Variants in RAPGEF6 observed in about 807,000 individuals in gnomAD.
RAPGEF6 encodes Rap guanine nucleotide exchange factor 6, also known as PDZ domain containing guanine nucleotide exchange factor (GEF) 2.
In RAPGEF6, 56 loss-of-function variants were observed where a neutral mutation model predicts 171.4. The ratio of observed to expected loss-of-function variants is 0.33; its 90% CI spans 0.26 to 0.41. RAPGEF6 has a LOEUF of 0.41. Among genes scored for constraint, RAPGEF6 ranks in the 10% least tolerant of loss-of-function variants. The probability of loss-of-function intolerance (pLI) is 1.00; values close to 1 mark genes in which losing one functional copy is unlikely to be tolerated. For synonymous variants in RAPGEF6, 692 were observed against 650.1 expected, an observed-to-expected ratio of 1.06 and a Z score of -0.98; for missense variants, 1,674 against 1,921.4, an observed-to-expected ratio of 0.87 and a Z score of 2.41.
chr5:131,455,859 C>T lies in RAPGEF6; in HGVS notation c.3018G>A (p.Gln1006=). 6.2e-7 allele frequency: 1 copy of T among 1,613,870 alleles called. No individual in the cohort carries two copies. The highest frequency in any genetic ancestry group is 8.5e-7 in the Non-Finnish European group (1 of 1,179,814). The change falls in exon 20 of 28, where the codon CAG becomes CAA. Residue 1006 remains glutamine, a synonymous_variant. Transcript: ENST00000509018. The part of the protein sequence containing the change: ...YRNILSSQSM[Q]PPIIPLFPVV... ...CAGGGAAGAGTGGAATAATTGGAGG[C>T]TGCATACTTTGACTACTAAGAATAT...
At chr5:131,573,409 C>T (rs1762424081) in intron 4 of RAPGEF6, among the ~76,000 whole-genome samples, 1 of 152,068 alleles carries the variant, frequency 6.6e-6, no homozygotes, top group South Asian at 2.1e-4. Context: ...CTCCACTAAA[C>T]ATATACAGGA....
chr5:131,471,619 A>C (rs536793997), intron 17 of RAPGEF6, among the ~76,000 whole-genome samples: 1 of 152,252 alleles, frequency 6.6e-6, no homozygotes, highest in Non-Finnish European at 1.5e-5. Context: ...TTTTATTGAA[A>C]ACCATCTCAA....
intron 5 of RAPGEF6, among the ~76,000 whole-genome samples, chr5:131,550,684 A>G (rs1189804533): frequency 1.3e-5 from 2 of 152,234 alleles, no homozygotes; most frequent in Non-Finnish European, 2.9e-5. Context: ...CATCTCTTCC[A>G]TAATTACCAA....
At position 131,429,005 on chromosome 5, in the gene RAPGEF6, C is replaced by A; in HGVS notation, c.4677G>T (p.Val1559=). Residue 1559 remains valine (V), a synonymous_variant, in exon 27 of 28, where the codon GTG becomes GTT. Transcript: ENST00000509018. ...LPPASLSSNL[V]ACVPSKIVTQ... ...TTACAATCTTCGATGGAACACAGGC[C>A]ACGAGGTTGCTACTGAGAGAAGCTG... 1 of 1,614,140 alleles carries A rather than the reference C, an allele frequency of 6.2e-7. No individual in the cohort carries two copies. The highest frequency in any genetic ancestry group is 1.1e-5 in the South Asian group (1 of 91,080).
intron 6 of RAPGEF6, among the ~76,000 whole-genome samples, chr5:131,525,557 G>C (rs1758818703): frequency 6.6e-6 from 1 of 151,866 alleles, no homozygotes; most frequent in Admixed American, 6.6e-5. Flanking sequence ...AGAAAAGGCA[G>C]CAAAAAATTT....
chr5:131,627,584 A>G (rs186453540), intron 1 of RAPGEF6, among the ~76,000 whole-genome samples: 31 of 152,348 alleles, frequency 2.0e-4, no homozygotes, highest in Non-Finnish European at 3.8e-4. Flanking sequence ...ATGGTATTAA[A>G]TGTGGATTGA....
chr5:131,576,317 G>A (rs1378063623), intron 4 of RAPGEF6, among the ~76,000 whole-genome samples: 5 of 152,108 alleles, frequency 3.3e-5, no homozygotes, highest in Admixed American at 1.3e-4. Context: ...TGCCCTGCCC[G>A]CTTCCACTAC....
intron 14 of RAPGEF6, among the ~76,000 whole-genome samples, chr5:131,490,218 A>G (rs1402052056): frequency 6.6e-6 from 1 of 152,220 alleles, no homozygotes; most frequent in Non-Finnish European, 1.5e-5. Context: ...AGAATCATAG[A>G]AGCAGTTTAT....
intron 4 of RAPGEF6, among the ~76,000 whole-genome samples, chr5:131,573,381 AG>A: frequency 6.6e-6 from 1 of 152,222 alleles, no homozygotes; most frequent in Non-Finnish European, 1.5e-5. Flanking sequence ...GCCAGCGTTT[AG>A]GGTCTTTCTC....
rs1766567457 is a variant in RAPGEF6, at chr5:131,635,194, G to T, written c.-164C>A. On this transcript the variant is annotated 5_prime_UTR_variant, in exon 1 of 28. Transcript: ENST00000509018. ...CAACCCTTCGCAACGCCCGCCTAAG[G>T]CCTCTACCCACGCGCGACTGGCCGG... 7 of 689,622 alleles carry T rather than the reference G, an allele frequency of 1.0e-5. No individual in the cohort carries two copies. Among genetic ancestry groups the T allele is most frequent in the South Asian group, 1.0e-4 (5 of 49,856 alleles). 42.7% of individuals were successfully genotyped at this position (689,622 alleles called of 1,614,324 possible).
At chr5:131,563,302 G>C (rs1761723004) in intron 4 of RAPGEF6, among the ~76,000 whole-genome samples, 1 of 151,722 alleles carries the variant, frequency 6.6e-6, no homozygotes, top group African/African-American at 2.4e-5. Flanking sequence ...AAATAAATAA[G>C]TCATTTATAA....
chr5:131,474,244 C>T (rs1048446141), intron 16 of RAPGEF6, among the ~76,000 whole-genome samples: 4 of 152,184 alleles, frequency 2.6e-5, no homozygotes, highest in Non-Finnish European at 4.4e-5. Context: ...GTGGGTGAAT[C>T]ACCTGAGTCA....
At position 131,461,948 on chromosome 5, in the gene RAPGEF6, T is replaced by C; in HGVS notation, c.2621A>G (p.Asp874Gly). The C allele has an allele frequency of 6.2e-7, 1 of 1,614,108 alleles. No individual in the cohort carries two copies. The highest frequency in any genetic ancestry group is 2.2e-5 in the East Asian group (1 of 44,862). Residue 874 changes from aspartate (D) to glycine (G), a missense_variant, in exon 19 of 28, where the codon GAT becomes GGT. Physicochemically the swap from Asp to Gly is moderately conservative, Grantham distance 94 (BLOSUM62 -1). Transcript: ENST00000509018. The part of the protein sequence containing the change: ...VATQLSMRDF[D>G]LFRNIEPTEY... The stretch of plus-strand genomic sequence containing the variant: ...AGTCGGTTCAATATTACGAAACAAA[T>C]CAAAGTCCCTCATTGACAGCTGGGT...
chr5:131,500,176 C>T (rs1260476043), intron 11 of RAPGEF6, among the ~76,000 whole-genome samples: 3 of 152,152 alleles, frequency 2.0e-5, no homozygotes, highest in Non-Finnish European at 4.4e-5. Flanking sequence ...GGATTACAGG[C>T]GTGAGCCACT....
In RAPGEF6 at chr5:131,493,852, C is replaced by T. The variant is rs1050984077; in HGVS notation, c.1528-1067G>A. On this transcript the variant is annotated intron_variant, in intron 13 of 27. Coordinates refer to ENST00000509018, the MANE Select transcript of RAPGEF6 (RefSeq NM_016340.6). Reference sequence around the variant, plus strand: ...CCCTTGAATATTTACAAAGCCAACACAGGATGACTCAAATGATAGTGGAGT... The same window carrying T: ...CCCTTGAATATTTACAAAGCCAACATAGGATGACTCAAATGATAGTGGAGT... Among the ~76,000 whole-genome samples the T allele has an allele frequency of 3.9e-5, 6 of 152,254 alleles. 1 individual carries two copies. In the South Asian group the frequency reaches 6.2e-4, roughly 16 times the overall value.
At chr5:131,614,608 T>C (rs887989158) in intron 1 of RAPGEF6, among the ~76,000 whole-genome samples, 3 of 152,034 alleles carry the variant, frequency 2.0e-5, no homozygotes, top group Non-Finnish European at 2.9e-5. Context: ...CTCCCACAGG[T>C]CCCTCCCCCA....
At chr5:131,448,336 T>C (rs1042371871) in intron 21 of RAPGEF6, among the ~76,000 whole-genome samples, 27 of 152,344 alleles carry the variant, frequency 1.8e-4, no homozygotes, top group African/African-American at 6.3e-4. Context: ...AATAAAAATA[T>C]TGATTTTTAA....
At chr5:131,589,183 T>C (rs1361440226) in intron 4 of RAPGEF6, among the ~76,000 whole-genome samples, 2 of 152,200 alleles carry the variant, frequency 1.3e-5, no homozygotes, top group East Asian at 3.8e-4. Flanking sequence ...ACAGAACAGC[T>C]GAAGTTTTAG....
chr5:131,480,928 CT>C (rs34370165), intron 15 of RAPGEF6, among the ~76,000 whole-genome samples: 972 of 141,646 alleles, frequency 6.9e-3, no homozygotes, highest in African/African-American at 7.9e-3. Flanking sequence ...TTAGATACTG[CT>C]TTTTTTTTTT....
Sources: allele counts gnomAD v4.1 joint callset (sites outside exome capture counted in the v4.1 genomes callset), GRCh38; gene constraint gnomAD v4.1.1; transcripts MANE v1.5; gene names NCBI Gene and HGNC (gene_info 2026-07-23, HGNC 2026-07-21).